Variants in TINF2 observed in about 807,000 individuals in gnomAD.
The protein encoded by TINF2 is TERF1 interacting nuclear factor 2.
Under a neutral mutation model 50.4 loss-of-function variants are expected in TINF2, and 27 were observed. That is an observed-to-expected ratio of 0.54 (90% CI 0.40 to 0.74). TINF2 has a LOEUF of 0.74. TINF2 is among the 30% of genes least tolerant of loss of function. The pLI is 0.00. For synonymous variants in TINF2, 223 were observed against 214.6 expected (o/e 1.04, Z -0.34); for missense variants, 496 against 551.5 (o/e 0.90, Z 1.01).
rs1334962982 is a variant in TINF2 at position 24,240,135 on chromosome 14, T to A, written c.1150A>T (p.Ser384Cys). ...AAGTCCCCTATGGTAATGACGGAGC[T>A]GCACAGAGACGGAGGACACACTGTA... ...RKPVCPPSLC[S>C]SVITIGDLVL... The change falls in exon 8 of 9, where the codon AGC (serine) becomes TGC (cysteine). Residue 384 changes from serine to cysteine, a missense_variant. Coordinates refer to ENST00000267415, the MANE Select transcript of TINF2 (RefSeq NM_001099274.3). 1 of 1,613,934 alleles carries A rather than the reference T, an allele frequency of 6.2e-7. No individual in the cohort carries two copies. Among genetic ancestry groups the A allele is most frequent in the African/African-American group, 1.3e-5 (1 of 74,872 alleles).
chr14:24,240,995 C>T (rs2040565717), intron 5 of TINF2, 25 bp downstream of exon 5: 1 of 1,614,120 alleles, frequency 6.2e-7, no homozygotes, highest in Non-Finnish European at 8.5e-7. Context: ...TCAGGCTAAA[C>T]ACTACACCTC....
At chr14:24,242,656 C>G (rs1259715563), upstream of TINF2, 2 of 1,175,128 alleles carry the variant, frequency 1.7e-6, no homozygotes, top group South Asian at 4.1e-5. Flanking sequence ...TCCCTTGCCC[C>G]GGAAAAGGGC....
rs1284286106 is a variant in TINF2 at position 24,240,108 on chromosome 14, C to T, written c.1177G>A (p.Val393Ile). The T allele has an allele frequency of 3.1e-6, 5 of 1,614,068 alleles. No individual in the cohort carries two copies. The highest frequency in any genetic ancestry group is 4.2e-6 in the Non-Finnish European group (5 of 1,180,028). Residue 393 changes from valine (V) to isoleucine (I), a missense_variant, in exon 8 of 9, where the codon GTT becomes ATT. Physicochemically the swap from Val to Ile is conservative, Grantham distance 29. Coordinates refer to ENST00000267415, the MANE Select transcript of TINF2 (RefSeq NM_001099274.3). Reference sequence around the variant, plus strand: ...TTTTCTTCCTCATCAGAGTCTAAAACCAAGTCCCCTATGGTAATGACGGAG... The same window carrying T: ...TTTTCTTCCTCATCAGAGTCTAAAATCAAGTCCCCTATGGTAATGACGGAG... ...CSSVITIGDL[V>I]LDSDEEENGQ...
At chr14:24,242,112 C>T (rs777086639) in intron 1 of TINF2, 29 bp downstream of exon 1, 3 of 1,614,130 alleles carry the variant, frequency 1.9e-6, no homozygotes, top group Admixed American at 3.3e-5. Flanking sequence ...TTCTTTCTTT[C>T]CCCTTCCAGG....
At position 24,240,311 on chromosome 14, in the gene TINF2, T is replaced by C. The variant is rs201787600; in HGVS notation, c.1081A>G (p.Met361Val). ...EQKENCLDCY[M>V]DPLRLSLLPP... ...AATAATGATAGTCTCAGGGGGTCCA[T>C]GTAGCAATCCAAGCAATTCCTGAGG... Residue 361 changes from methionine to valine, a missense_variant, in exon 7 of 9, where the codon ATG becomes GTG. By Grantham distance (21) the Met-to-Val change is conservative. This residue lies in a region of TINF2 where 179 missense variants were observed against 188.3 expected (regional missense o/e 0.95). Coordinates refer to ENST00000267415, the MANE Select transcript of TINF2 (RefSeq NM_001099274.3). 8.6e-5 allele frequency: 139 copies of C among 1,613,764 alleles called. No individual in the cohort carries two copies. The highest frequency in any genetic ancestry group is 1.6e-4 in the Middle Eastern group (1 of 6,084).
Position 24,240,403 on chromosome 14 carries a change from ACT to A in TINF2, c.1061+14_1061+15del. On this transcript the variant is annotated intron_variant, in intron 6 of 8. Coordinates refer to ENST00000267415, the MANE Select transcript of TINF2 (RefSeq NM_001099274.3). Reference sequence around the variant, plus strand: ...AAGAATGTGCTCCTAGTAAGAAGCAACTCTGTTCCACTCACTCCTTTTGCTCT... The same window carrying A: ...AAGAATGTGCTCCTAGTAAGAAGCAACTGTTCCACTCACTCCTTTTGCTCT... 2 of 1,613,934 alleles carry A rather than the reference ACT, an allele frequency of 1.2e-6. No individual in the cohort carries two copies. The highest frequency in any genetic ancestry group is 1.6e-4 in the Middle Eastern group (1 of 6,062).
Position 24,240,702 on chromosome 14 carries a change from G to A in TINF2, c.778C>T (p.Leu260=). The change falls in exon 6 of 9, where the codon CTG becomes TTG. Residue 260 remains leucine (L), a synonymous_variant. Transcript: ENST00000267415. ...PEPLAGRHFN[L]APLGRRRVQS... ...ACTCTTCGTCGGCCTAGAGGGGCCA[G>A]ATTGAAGTGTCGGCCAGCTAGAGGT... 9 of 1,613,928 alleles carry A rather than the reference G, an allele frequency of 5.6e-6. No individual in the cohort carries two copies. Among genetic ancestry groups the A allele is most frequent in the Non-Finnish European group, 7.6e-6 (9 of 1,179,912 alleles).
chr14:24,239,959 A>G, intron 8 of TINF2, 28 bp from the exon 9 acceptor site: 1 of 1,614,194 alleles, frequency 6.2e-7, no homozygotes, highest in East Asian at 2.2e-5. Flanking sequence ...GGGAGAGCCT[A>G]CTATCCGAAA....
rs1346898571 is a variant in TINF2, at chr14:24,242,574, G to A, written c.-242C>T. The A allele has an allele frequency of 1.5e-5, 21 of 1,382,036 alleles. No homozygotes were observed. The highest frequency in any genetic ancestry group is 1.7e-5 in the Non-Finnish European group (18 of 1,069,080). 85.6% of individuals were successfully genotyped at this position (1,382,036 alleles called of 1,614,324 possible). ...GAAGCTGACCGTCTCCAGTGGCACT[G>A]GGTCGCTCAGCTTTAAACGTCGCCG... On this transcript the variant is annotated 5_prime_UTR_variant, in exon 1 of 9. Coordinates refer to ENST00000267415, the MANE Select transcript of TINF2 (RefSeq NM_001099274.3).
chr14:24,242,068 G>A (rs1555304450), intron 1 of TINF2, 73 bp downstream of exon 1: 13 of 1,614,052 alleles, frequency 8.1e-6, no homozygotes, highest in South Asian at 4.4e-5. Flanking sequence ...TCCCCAAGCT[G>A]TGGGCCCTTG....
chr14:24,240,356 T>C lies in TINF2; in HGVS notation c.1062-26A>G, dbSNP rs887531758. The C allele has an allele frequency of 7.4e-6, 12 of 1,613,774 alleles. No homozygotes were observed. The Middle Eastern group carries it at 9.9e-4, about 133-fold the overall frequency. ...CTGAGGTGAGAGCAAGCAAAGAGGA[T>C]AGGATGAAGGGAAGGCAGGCAAAGA... On this transcript the variant is annotated intron_variant, in intron 6 of 8. Coordinates refer to ENST00000267415, the MANE Select transcript of TINF2 (RefSeq NM_001099274.3).
chr14:24,242,333 G>A lies in TINF2; in HGVS notation c.-1C>T, dbSNP rs749728150. ...GACCCGCCACCAGGGGCGTAGCCAT[G>A]GTCGGCGGGCTCCGCCCGGAGGCGG... is the stretch of plus-strand genomic sequence containing the variant. On this transcript the variant is annotated 5_prime_UTR_variant, in exon 1 of 9. Transcript: ENST00000267415. 6.2e-7 allele frequency: 1 copy of A among 1,611,188 alleles called. No homozygotes were observed. The highest frequency in any genetic ancestry group is 2.2e-5 in the East Asian group (1 of 44,836).
chr14:24,241,368 G>T, intron 3 of TINF2, 57 bp from the exon 4 acceptor site: 1 of 1,567,252 alleles, frequency 6.4e-7, no homozygotes, highest in Non-Finnish European at 8.8e-7. Context: ...GGTGGCTCAC[G>T]CCTGTAATCC....
In TINF2 at chr14:24,242,302, C is replaced by G; in HGVS notation, c.31G>C (p.Ala11Pro). 3 of 1,612,888 alleles carry G rather than the reference C, an allele frequency of 1.9e-6. No homozygotes were observed. The South Asian group carries it at 3.3e-5, about 18-fold the overall frequency. The stretch of plus-strand genomic sequence containing the variant: ...CTAGCCGCGGCGGCGAAGCGTAGAG[C>G]TGCGGGACCCGCCACCAGGGGCGTA... MATPLVAGPA[A>P]LRFAAAASWQ... The change falls in exon 1 of 9, where the codon GCT becomes CCT. Residue 11 changes from alanine (A) to proline (P), a missense_variant. Ala to Pro is a conservative substitution (Grantham distance 27). Transcript: ENST00000267415.
In TINF2 at chr14:24,240,583, G is replaced by A; in HGVS notation, c.897C>T (p.Val299=). 6.2e-7 allele frequency: 1 copy of A among 1,614,178 alleles called. No homozygotes were observed. The highest frequency in any genetic ancestry group is 8.5e-7 in the Non-Finnish European group (1 of 1,180,044). Residue 299 remains valine, a synonymous_variant, in exon 6 of 9, where the codon GTC becomes GTT. Coordinates refer to ENST00000267415, the MANE Select transcript of TINF2 (RefSeq NM_001099274.3). Reference sequence around the variant, plus strand: ...CTTCCTTGCTCTCAGGCTTAGATATGACCTGGGTTGGTGAGCCGAGATTCC... The same window carrying A: ...CTTCCTTGCTCTCAGGCTTAGATATAACCTGGGTTGGTGAGCCGAGATTCC... The part of the protein sequence containing the change: ...PFRNLGSPTQ[V]ISKPESKEEH...
intron 1 of TINF2, 56 bp downstream of exon 1, chr14:24,242,085 G>A: frequency 6.2e-7 from 1 of 1,614,096 alleles, no homozygotes; most frequent in South Asian, 1.1e-5. Context: ...CTTGTCAGGT[G>A]CTCGCATCCC....
In TINF2 at chr14:24,241,785, G is replaced by GATAC. The variant is rs1221751271; in HGVS notation, c.298-13_298-10dup. The GATAC allele has an allele frequency of 6.2e-7, 1 of 1,613,734 alleles. No homozygotes were observed. Among genetic ancestry groups the GATAC allele is most frequent in the Non-Finnish European group, 8.5e-7 (1 of 1,179,762 alleles). On this transcript the variant is annotated splice_polypyrimidine_tract_variant and intron_variant, in intron 2 of 8. Transcript: ENST00000267415. ...CTCAGATCCTGCTTTGTCTGTTGAGGATACAGAAGACAGAGAAGTTAGCAC... is the reference window on the plus strand; with the variant it reads ...CTCAGATCCTGCTTTGTCTGTTGAGGATACATACAGAAGACAGAGAAGTTAGCAC...
Position 24,242,453 on chromosome 14 carries a change from C to G in TINF2, c.-121G>C. 1 of 1,449,492 alleles carries G rather than the reference C, an allele frequency of 6.9e-7. No individual in the cohort carries two copies. The highest frequency in any genetic ancestry group is 1.4e-5 in the South Asian group (1 of 69,850). 89.8% of individuals were successfully genotyped at this position (1,449,492 alleles called of 1,614,324 possible). On this transcript the variant is annotated 5_prime_UTR_variant, in exon 1 of 9. Coordinates refer to ENST00000267415, the MANE Select transcript of TINF2 (RefSeq NM_001099274.3). ...TCCCTGTCGCTCCGGTCTGTCGGCT[C>G]TGGGTACCTCGCGATCTGACTCGGC...
chr14:24,241,360 T>G, intron 3 of TINF2, 49 bp from the exon 4 acceptor site: 1 of 1,584,342 alleles, frequency 6.3e-7, no homozygotes, highest in Non-Finnish European at 8.7e-7. Context: ...CCAGGCACGG[T>G]GGCTCACGCC....
Sources: gnomAD v4.1 joint callset for allele counts on GRCh38, gnomAD v4.1.1 for gene constraint, gnomAD v4.1.1 regional missense constraint, MANE v1.5 for transcripts, NCBI Gene and HGNC (gene_info 2026-07-23, HGNC 2026-07-21) for gene names.